Variants in PTK2 observed in about 807,000 individuals in gnomAD.
The protein encoded by PTK2 is protein tyrosine kinase 2, also known as focal adhesion kinase 1.
Under a neutral mutation model 150.1 loss-of-function variants are expected in PTK2, and 45 were observed. The ratio of observed to expected loss-of-function variants is 0.30; its 90% CI spans 0.24 to 0.38. The LOEUF (loss-of-function observed/expected upper bound fraction) is 0.38. Among genes scored for constraint, PTK2 ranks in the 10% least tolerant of loss-of-function variants. The pLI, the probability that PTK2 is intolerant of heterozygous loss-of-function variation, is 1.00. For missense variants in PTK2, 919 were observed against 1,307.3 expected (o/e 0.70, Z 4.58); for synonymous variants, 432 against 449.2 (o/e 0.96, Z 0.48).
chr8:140,893,624 G>A (rs1347490080), intron 2 of PTK2, among the ~76,000 whole-genome samples: 1 of 152,144 alleles, frequency 6.6e-6, no homozygotes, highest in African/African-American at 2.4e-5. Flanking sequence ...GCCAGTGGCT[G>A]GGGGTAGGGC....
chr8:140,764,571 T>C (rs1203199917), intron 14 of PTK2: 2 of 449,862 alleles, frequency 4.4e-6, no homozygotes, highest in African/African-American at 2.0e-5. Context: ...AACAACTATG[T>C]ATATGCTTCA....
At chr8:140,890,828 G>A (rs1186476299) in intron 2 of PTK2, 59 bp from the exon 3 acceptor site, 1 of 1,391,306 alleles carries the variant, frequency 7.2e-7, no homozygotes, top group Admixed American at 1.8e-5. Context: ...CAATTACAAT[G>A]TGATATGTTG....
At chr8:140,979,267 GA>G (rs1221077690) in intron 1 of PTK2, among the ~76,000 whole-genome samples, 92 of 131,058 alleles carry the variant, frequency 7.0e-4, no homozygotes, top group East Asian at 1.1e-3. Flanking sequence ...TTAAAAAAAA[GA>G]AAAAAAAAAA....
At chr8:140,847,973 CTCTG>C (rs1156536426) in intron 5 of PTK2, among the ~76,000 whole-genome samples, 2 of 152,188 alleles carry the variant, frequency 1.3e-5, no homozygotes, top group African/African-American at 4.8e-5. Context: ...CCCATTATCC[CTCTG>C]TCTGAATTGC....
chr8:140,853,321 C>T (rs995253966), intron 5 of PTK2, among the ~76,000 whole-genome samples: 6 of 146,676 alleles, frequency 4.1e-5, no homozygotes, highest in African/African-American at 1.5e-4. Flanking sequence ...CGTATATATC[C>T]TAATGCTATC....
At chr8:140,801,557 G>C (rs1357742901) in intron 11 of PTK2, among the ~76,000 whole-genome samples, 1 of 152,162 alleles carries the variant, frequency 6.6e-6, no homozygotes, top group Non-Finnish European at 1.5e-5. Context: ...ACAGAATGGG[G>C]TTAACCAAAG....
intron 11 of PTK2, among the ~76,000 whole-genome samples, chr8:140,803,231 C>T (rs1302933754): frequency 6.6e-6 from 1 of 151,864 alleles, no homozygotes; most frequent in African/African-American, 2.4e-5. Context: ...ACCCTGGCCT[C>T]AAGTGATCCG....
chr8:140,795,785 T>C (rs1185187498), intron 12 of PTK2, among the ~76,000 whole-genome samples: 2 of 152,206 alleles, frequency 1.3e-5, no homozygotes, highest in Non-Finnish European at 2.9e-5. Flanking sequence ...AATCTGCCTT[T>C]TCAGTATTAC....
intron 29 of PTK2, among the ~76,000 whole-genome samples, chr8:140,673,624 C>T (rs928838936): frequency 6.6e-6 from 1 of 152,188 alleles, no homozygotes; most frequent in Non-Finnish European, 1.5e-5. Flanking sequence ...GAGCCTCCTC[C>T]GTCAGATCTC....
At chr8:140,763,790 AGG>A (rs1176540864) in intron 15 of PTK2, among the ~76,000 whole-genome samples, 1 of 152,156 alleles carries the variant, frequency 6.6e-6, no homozygotes, top group Non-Finnish European at 1.5e-5. Flanking sequence ...AACAATTTAA[AGG>A]GGGAAAATGC....
intron 3 of PTK2, among the ~76,000 whole-genome samples, chr8:140,886,169 G>C (rs1188654804): frequency 6.6e-6 from 1 of 152,182 alleles, no homozygotes; most frequent in Non-Finnish European, 1.5e-5. Flanking sequence ...AATAAAAGAC[G>C]ATTGCAAATG....
intron 2 of PTK2, among the ~76,000 whole-genome samples, chr8:140,901,920 T>C (rs747029573): frequency 9.9e-5 from 15 of 152,170 alleles, no homozygotes; most frequent in Non-Finnish European, 2.1e-4. Context: ...TGGTTTTCTG[T>C]TCCTGTGTTA....
At chr8:140,784,273 A>G (rs2100083599) in intron 14 of PTK2, among the ~76,000 whole-genome samples, 1 of 152,214 alleles carries the variant, frequency 6.6e-6, no homozygotes, top group Non-Finnish European at 1.5e-5. Context: ...GATACAAATG[A>G]GAAAACTTGT....
intron 16 of PTK2, among the ~76,000 whole-genome samples, chr8:140,757,934 C>T (rs2100066818): frequency 6.6e-6 from 1 of 151,962 alleles, no homozygotes; most frequent in African/African-American, 2.4e-5. Context: ...TACCGTACTG[C>T]CAGTCATATA....
intron 27 of PTK2, among the ~76,000 whole-genome samples, chr8:140,676,834 A>T (rs889709041): frequency 7.0e-6 from 1 of 142,398 alleles, no homozygotes; most frequent in Non-Finnish European, 1.5e-5. Context: ...GCTACTTGGG[A>T]GGCCTGAGGC....
At chr8:140,774,803 T>C (rs766173075) in intron 14 of PTK2, among the ~76,000 whole-genome samples, 3 of 152,174 alleles carry the variant, frequency 2.0e-5, no homozygotes, top group Non-Finnish European at 4.4e-5. Context: ...TATAATGCAT[T>C]AGCATGCTAA....
At chr8:140,812,816 C>T (rs2100102378) in intron 10 of PTK2, among the ~76,000 whole-genome samples, 1 of 151,946 alleles carries the variant, frequency 6.6e-6, no homozygotes, top group African/African-American at 2.4e-5. Context: ...GGGTTCAATC[C>T]AACGAGAAGG....
exon 5 of PTK2, chr8:140,864,371 T>G (rs1226596183): frequency 6.3e-7 from 1 of 1,594,816 alleles, no homozygotes; most frequent in African/African-American, 1.3e-5. Flanking sequence ...AGAAATCCTT[T>G]TGGCAAATAA....
At chr8:140,829,459 T>A (rs1385839423) in intron 8 of PTK2, among the ~76,000 whole-genome samples, 1 of 152,194 alleles carries the variant, frequency 6.6e-6, no homozygotes, top group Non-Finnish European at 1.5e-5. Context: ...CGTCGACAGT[T>A]CTCTCTCTTT....
Sources: allele counts gnomAD v4.1 joint callset (sites outside exome capture counted in the v4.1 genomes callset), GRCh38; gene constraint gnomAD v4.1.1; transcripts MANE v1.5; gene names NCBI Gene and HGNC (gene_info 2026-07-23, HGNC 2026-07-21).